NDUFA10: variants seen among roughly 807,000 people sequenced by gnomAD.
NDUFA10 encodes the protein NADH dehydrogenase [ubiquinone] 1 alpha subcomplex subunit 10, mitochondrial.
NDUFA10 carries 40 observed loss-of-function variants against 47.8 expected under a neutral mutation model. The observed-to-expected ratio is 0.84, with a 90% CI of 0.65 to 1.09. The LOEUF (loss-of-function observed/expected upper bound fraction) is 1.09, where lower values mean the gene tolerates loss of function less well. Among genes scored for constraint, NDUFA10 ranks in the 50% least tolerant of loss-of-function variants. NDUFA10 has a pLI of 0.00. For synonymous variants in NDUFA10, 183 were observed against 172.2 expected, an observed-to-expected ratio of 1.06 and a Z score of -0.49; for missense variants, 413 against 451.1, an observed-to-expected ratio of 0.92 and a Z score of 0.76.
intron 4 of NDUFA10, among the ~76,000 whole-genome samples, chr2:239,934,404 C>A (rs950621141): frequency 7.9e-5 from 11 of 140,070 alleles, no homozygotes; most frequent in African/African-American, 2.6e-4. Flanking sequence ...CGAACCAAAT[C>A]TCACTCTGCA....
chr2:239,936,509 G>A (rs1296668116), intron 4 of NDUFA10, among the ~76,000 whole-genome samples: 1 of 152,202 alleles, frequency 6.6e-6, no homozygotes, highest in Non-Finnish European at 1.5e-5. Context: ...TAAACTGCAG[G>A]CTGGGGGATG....
At chr2:239,920,572 A>T (rs1188304068) in intron 4 of NDUFA10, among the ~76,000 whole-genome samples, 1 of 152,186 alleles carries the variant, frequency 6.6e-6, no homozygotes, top group African/African-American at 2.4e-5. Flanking sequence ...CTTAAATAGC[A>T]TCCCCACTTG....
At chr2:239,941,942 G>A (rs982462320) in intron 4 of NDUFA10, among the ~76,000 whole-genome samples, 1 of 152,152 alleles carries the variant, frequency 6.6e-6, no homozygotes, top group Non-Finnish European at 1.5e-5. Flanking sequence ...ATAAGCAAAT[G>A]AAAGTAAAAC....
chr2:239,912,025 A>G (rs1239758935), intron 4 of NDUFA10, among the ~76,000 whole-genome samples: 1 of 152,108 alleles, frequency 6.6e-6, no homozygotes, highest in Non-Finnish European at 1.5e-5. Flanking sequence ...GTTGCCCCAG[A>G]GAGGAGGCGC....
chr2:239,962,192 GCA>G (rs1382628894), intron 9 of NDUFA10, among the ~76,000 whole-genome samples: 2 of 146,670 alleles, frequency 1.4e-5, no homozygotes, highest in African/African-American at 5.2e-5. Flanking sequence ...ATCAGCATGG[GCA>G]CACAGTCAAT....
intron 4 of NDUFA10, among the ~76,000 whole-genome samples, chr2:239,930,242 C>T (rs1488761435): frequency 4.6e-5 from 6 of 129,330 alleles, no homozygotes; most frequent in African/African-American, 1.1e-4. Context: ...GCTTCTCCAC[C>T]GCCCCTAGTC....
intron 4 of NDUFA10, among the ~76,000 whole-genome samples, chr2:239,937,961 C>A (rs1273503013): frequency 6.6e-6 from 1 of 152,160 alleles, no homozygotes; most frequent in Admixed American, 6.5e-5. Flanking sequence ...CTGGCTGGGG[C>A]CACCGAGCCA....
chr2:240,005,634 G>A (rs1438894952), intron 7 of NDUFA10, among the ~76,000 whole-genome samples: 4 of 152,214 alleles, frequency 2.6e-5, no homozygotes, highest in Admixed American at 1.3e-4. Context: ...TGGGATTATA[G>A]ACGTGAGCCA....
chr2:239,978,677 G>A (rs898636395), intron 9 of NDUFA10, among the ~76,000 whole-genome samples: 4 of 152,200 alleles, frequency 2.6e-5, no homozygotes, highest in Admixed American at 6.5e-5. Context: ...AGTTGTACTT[G>A]TCATTGCAAT....
Position 239,959,372 on chromosome 2 carries a change from T to G in NDUFA10, c.*1746A>C. On this transcript the variant is annotated 3_prime_UTR_variant, in exon 10 of 10. Transcript: ENST00000252711. The stretch of plus-strand genomic sequence containing the variant: ...AAGGTTGAAGGAAACAGCTAGCTCT[T>G]TGCAGCCAAAGACATTAGGAACAGC... 1.0e-6 allele frequency: 1 copy of G among 985,470 alleles called. No individual in the cohort carries two copies. The highest frequency in any genetic ancestry group is 1.2e-6 in the Non-Finnish European group (1 of 829,958). The allele number at this position is 985,470 out of a possible 1,614,324, so 61.0% of individuals were successfully genotyped here.
chr2:240,019,510 T>C (rs1697519066), intron 3 of NDUFA10, among the ~76,000 whole-genome samples: 1 of 152,166 alleles, frequency 6.6e-6, no homozygotes, highest in African/African-American at 2.4e-5. Context: ...AAGACAGGGT[T>C]GAAGAATGCT....
intron 4 of NDUFA10, among the ~76,000 whole-genome samples, chr2:239,896,243 TCTC>T (rs1447313900): frequency 2.0e-5 from 3 of 152,150 alleles, no homozygotes; most frequent in Non-Finnish European, 2.9e-5. Flanking sequence ...ATCATGCAAA[TCTC>T]CTGTGCTCCT....
Position 239,898,360 on chromosome 2 carries a change from A to G in NDUFA10, c.295-3046T>C, listed in dbSNP as rs1026069199. Among the ~76,000 whole-genome samples, 7 of 152,316 alleles carry G rather than the reference A, an allele frequency of 4.6e-5. No homozygotes were observed. The South Asian group carries it at 1.4e-3, about 32-fold the overall frequency. On this transcript the variant is annotated intron_variant, in intron 4 of 5. Transcript: ENST00000419408. The stretch of plus-strand genomic sequence containing the variant: ...GCCTGCGCCCGGGGCTGTTTGGAGG[A>G]GGCGCTGCCCCTGCCTGCCAGCCTC...
At chr2:239,908,086 T>C (rs1693687803) in intron 4 of NDUFA10, among the ~76,000 whole-genome samples, 1 of 152,230 alleles carries the variant, frequency 6.6e-6, no homozygotes, top group Admixed American at 6.5e-5. Flanking sequence ...GATGAGTTCA[T>C]GTCCTTTGTA....
At chr2:239,967,896 T>C (rs1386229160) in intron 9 of NDUFA10, among the ~76,000 whole-genome samples, 1 of 152,034 alleles carries the variant, frequency 6.6e-6, no homozygotes, top group East Asian at 1.9e-4. Flanking sequence ...CAGGCTCTTC[T>C]CTTGGGTGCA....
At position 239,960,322 on chromosome 2, in the gene NDUFA10, G is replaced by A. The variant is rs1037409819; in HGVS notation, c.*796C>T. ...TCAACAGAGATGAATAAAGAAATCT[G>A]ATTTTCTTTCTCATTTCTCAGTTTT... On this transcript the variant is annotated 3_prime_UTR_variant, in exon 10 of 10. Transcript: ENST00000252711. 6.1e-6 allele frequency: 6 copies of A among 985,464 alleles called. No homozygotes were observed. The African/African-American group carries it at 1.0e-4, about 17-fold the overall frequency. The allele number at this position is 985,464 out of a possible 1,614,324, so 61.0% of individuals were successfully genotyped here.
chr2:239,982,040 T>C (rs1319859079), intron 9 of NDUFA10: 10 of 1,595,072 alleles, frequency 6.3e-6, no homozygotes, highest in South Asian at 1.1e-5. Context: ...TCTGCTCTAA[T>C]AGTCACACGT....
chr2:239,994,403 T>C (rs995140363), intron 8 of NDUFA10, among the ~76,000 whole-genome samples: 3 of 151,770 alleles, frequency 2.0e-5, no homozygotes, highest in African/African-American at 4.8e-5. Flanking sequence ...GGGATCTAGT[T>C]TGCACACTCC....
intron 9 of NDUFA10, among the ~76,000 whole-genome samples, chr2:239,964,012 G>C (rs1027090537): frequency 5.9e-5 from 9 of 152,176 alleles, no homozygotes; most frequent in African/African-American, 1.7e-4. Context: ...CTGAGGAAGG[G>C]GACACAACAC....
Sources: gnomAD v4.1 joint callset for allele counts (sites outside exome capture counted in the v4.1 genomes callset) on GRCh38, gnomAD v4.1.1 for gene constraint, MANE v1.5 for transcripts, NCBI Gene and HGNC (gene_info 2026-07-23, HGNC 2026-07-21) for gene names.